Variants in FAF1 observed in about 807,000 individuals in gnomAD.
The protein encoded by FAF1 is FAS-associated factor 1.
A neutral mutation model predicts 92.5 loss-of-function variants in FAF1; 25 were observed. The observed-to-expected ratio is 0.27, with a 90% CI of 0.20 to 0.38. The LOEUF (loss-of-function observed/expected upper bound fraction) is 0.38, where lower values mean the gene tolerates loss of function less well. Ranked by LOEUF, FAF1 falls within the 10% of genes least tolerant of loss-of-function variation. FAF1 has a pLI of 1.00. For synonymous variants in FAF1, 234 were observed against 273.2 expected, an observed-to-expected ratio of 0.86 and a Z score of 1.42; for missense variants, 636 against 793.3, an observed-to-expected ratio of 0.80 and a Z score of 2.38.
intron 4 of FAF1, among the ~76,000 whole-genome samples, chr1:50,785,566 C>A (rs1430005967): frequency 6.6e-6 from 1 of 151,104 alleles, no homozygotes; most frequent in East Asian, 1.9e-4. Flanking sequence ...TAAATCAAAC[C>A]CACAATGAGC....
At chr1:50,858,811 G>C (rs1219732937) in intron 1 of FAF1, among the ~76,000 whole-genome samples, 3 of 151,762 alleles carry the variant, frequency 2.0e-5, no homozygotes, top group African/African-American at 7.2e-5. Flanking sequence ...TTAACTAGCA[G>C]GATGCCATTT....
At chr1:50,523,886 A>G (rs938616616) in intron 15 of FAF1, among the ~76,000 whole-genome samples, 1 of 152,216 alleles carries the variant, frequency 6.6e-6, no homozygotes, top group Admixed American at 6.5e-5. Context: ...AGAACAATTT[A>G]TATTCCTTTG....
At chr1:50,650,529 A>G (rs1432780370) in intron 8 of FAF1, among the ~76,000 whole-genome samples, 1 of 152,106 alleles carries the variant, frequency 6.6e-6, no homozygotes, top group Non-Finnish European at 1.5e-5. Context: ...CTGAGGCATA[A>G]GAATCACTTG....
At chr1:50,886,025 A>G (rs1644660203) in intron 1 of FAF1, among the ~76,000 whole-genome samples, 1 of 152,178 alleles carries the variant, frequency 6.6e-6, no homozygotes. Flanking sequence ...TTCTATTTAT[A>G]TCTTCCTGTA....
rs568831151 is a variant in FAF1, at chr1:50,625,702, G to T, written c.745-29486C>A. Among the ~76,000 whole-genome samples the T allele has an allele frequency of 1.1e-4, 17 of 152,250 alleles. No homozygotes were observed. The South Asian group carries it at 3.5e-3, about 32-fold the overall frequency. ...AGTAGTTTAGAGTGGTTGGAGGCCA[G>T]GTAAGGCACAAAATGGTGAGGAACA... On this transcript the variant is annotated intron_variant, in intron 8 of 18. Coordinates refer to ENST00000396153, the MANE Select transcript of FAF1 (RefSeq NM_007051.3).
At chr1:50,890,970 C>T (rs1473489859) in intron 1 of FAF1, among the ~76,000 whole-genome samples, 1 of 152,192 alleles carries the variant, frequency 6.6e-6, no homozygotes, top group Middle Eastern at 3.2e-3. Context: ...AACTTGGTTC[C>T]ATTCTCCCCG....
At position 50,561,882 on chromosome 1, in the gene FAF1, G is replaced by GAAGGAAGGAAGGAAGGAAGGAAGA. The variant is rs1553227097; in HGVS notation, c.1268+5194_1268+5195insTCTTCCTTCCTTCCTTCCTTCCTT. Among the ~76,000 whole-genome samples the GAAGGAAGGAAGGAAGGAAGGAAGA allele has an allele frequency of 6.9e-5, 10 of 145,100 alleles. 1 individual carries two copies. Among genetic ancestry groups the GAAGGAAGGAAGGAAGGAAGGAAGA allele is most frequent in the African/African-American group, 2.3e-4 (8 of 35,424 alleles). On this transcript the variant is annotated intron_variant, in intron 13 of 18. Coordinates refer to ENST00000396153, the MANE Select transcript of FAF1 (RefSeq NM_007051.3). ...GGAAGGAAGGAAGGAAGGAAGGAAG[G>GAAGGAAGGAAGGAAGGAAGGAAGA]AAGGAAGGAAGGAAGTTGTGTAAAC...
intron 1 of FAF1, among the ~76,000 whole-genome samples, chr1:50,893,425 A>C (rs1644734573): frequency 6.6e-6 from 1 of 152,242 alleles, no homozygotes; most frequent in African/African-American, 2.4e-5. Context: ...TGTAGCTCTT[A>C]CAGACTTCTA....
chr1:50,655,767 T>G lies in FAF1; in HGVS notation c.658-239A>C, dbSNP rs146876470. On this transcript the variant is annotated intron_variant, in intron 7 of 18. Transcript: ENST00000396153. Reference sequence around the variant, plus strand: ...TTAAGAAATATCCTCCCTCTCTTGTTTTCAACTCCTGGCTGACTTCATTTC... The same window carrying G: ...TTAAGAAATATCCTCCCTCTCTTGTGTTCAACTCCTGGCTGACTTCATTTC... Among the ~76,000 whole-genome samples the G allele has an allele frequency of 2.8e-3, 433 of 152,308 alleles. 2 individuals carry two copies. The highest frequency in any genetic ancestry group is 0.01 in the African/African-American group (422 of 41,582).
At chr1:50,661,561 T>A (rs1260488928) in intron 7 of FAF1, among the ~76,000 whole-genome samples, 1 of 152,186 alleles carries the variant, frequency 6.6e-6, no homozygotes. Flanking sequence ...GAAAAAGGAC[T>A]CTGGTCATAT....
chr1:50,761,820 T>C (rs1476428458), intron 4 of FAF1, among the ~76,000 whole-genome samples: 5 of 152,114 alleles, frequency 3.3e-5, no homozygotes, highest in African/African-American at 9.7e-5. Flanking sequence ...TTCAACATAG[T>C]GTTGGAAGTT....
At chr1:50,947,522 A>C (rs1018108998) in intron 1 of FAF1, among the ~76,000 whole-genome samples, 1 of 152,274 alleles carries the variant, frequency 6.6e-6, no homozygotes, top group African/African-American at 2.4e-5. Flanking sequence ...AAAGTCAATG[A>C]CTAGTGATTT....
At chr1:50,577,527 A>G (rs561093875) in intron 12 of FAF1, among the ~76,000 whole-genome samples, 1 of 152,372 alleles carries the variant, frequency 6.6e-6, no homozygotes, top group Admixed American at 6.5e-5. Context: ...TCCATCTGGA[A>G]AAGAAAAGAA....
intron 15 of FAF1, among the ~76,000 whole-genome samples, chr1:50,534,603 A>G (rs1648367775): frequency 1.3e-5 from 2 of 152,060 alleles, no homozygotes; most frequent in South Asian, 4.1e-4. Context: ...AACCCTGCCC[A>G]CATCTTTAAA....
At chr1:50,648,961 C>T (rs1041385172) in intron 8 of FAF1, among the ~76,000 whole-genome samples, 2 of 151,942 alleles carry the variant, frequency 1.3e-5, no homozygotes, top group South Asian at 2.1e-4. Flanking sequence ...TTGTTTGTAA[C>T]TTTAGTAGAG....
At chr1:50,469,660 G>C (rs1646546216) in intron 18 of FAF1, 1 of 152,274 alleles carries the variant, frequency 6.6e-6, no homozygotes, top group Admixed American at 6.5e-5. Flanking sequence ...ACAGTGGGGA[G>C]CATAGACGTG....
chr1:50,601,507 C>T (rs543243927), intron 8 of FAF1, among the ~76,000 whole-genome samples: 5 of 152,164 alleles, frequency 3.3e-5, no homozygotes, highest in Non-Finnish European at 5.9e-5. Context: ...CGTGGTGAAA[C>T]CCCGTCTCTA....
At chr1:50,880,439 G>A (rs1380572494) in intron 1 of FAF1, among the ~76,000 whole-genome samples, 4 of 152,152 alleles carry the variant, frequency 2.6e-5, no homozygotes, top group Non-Finnish European at 2.9e-5. Flanking sequence ...GCCGTATTCG[G>A]AGTAAGGAAA....
chr1:50,824,790 T>C (rs1000822345), intron 2 of FAF1, among the ~76,000 whole-genome samples: 49 of 152,256 alleles, frequency 3.2e-4, no homozygotes, highest in African/African-American at 1.1e-3. Flanking sequence ...AATCATGTCA[T>C]TTGAAGCAAC....
Sources: gnomAD v4.1 joint callset for allele counts (sites outside exome capture counted in the v4.1 genomes callset) on GRCh38, gnomAD v4.1.1 for gene constraint, MANE v1.5 for transcripts, NCBI Gene and HGNC (gene_info 2026-07-23, HGNC 2026-07-21) for gene names.